The following USP34 variants were observed in gnomAD, a reference collection of about 807,000 sequenced individuals.
USP34 encodes the protein ubiquitin carboxyl-terminal hydrolase 34.
USP34 carries 70 observed loss-of-function variants against 460.3 expected under a neutral mutation model. That is an observed-to-expected ratio of 0.15 (90% CI 0.13 to 0.19). The LOEUF (loss-of-function observed/expected upper bound fraction) is 0.19. Ranked by LOEUF, USP34 falls within the 10% of genes least tolerant of loss-of-function variation. USP34 has a pLI of 1.00. For synonymous variants in USP34, 1,647 were observed against 1,405.3 expected, an observed-to-expected ratio of 1.17 and a Z score of -3.85; for missense variants, 3,985 against 4,236.2, an observed-to-expected ratio of 0.94 and a Z score of 1.65.
At chr2:61,234,501 G>A (rs1009489029) in intron 57 of USP34, among the ~76,000 whole-genome samples, 1 of 151,958 alleles carries the variant, frequency 6.6e-6, no homozygotes, top group Non-Finnish European at 1.5e-5. Flanking sequence ...ATTTTTTTTT[G>A]GCGGGGAGAG....
chr2:61,371,287 T>C (rs1383591199), intron 8 of USP34, among the ~76,000 whole-genome samples: 2 of 152,270 alleles, frequency 1.3e-5, no homozygotes, highest in East Asian at 1.9e-4. Flanking sequence ...TATAAAAGTA[T>C]AGCATGTACA....
At chr2:61,458,728 T>C (rs1695511074) in intron 1 of USP34, among the ~76,000 whole-genome samples, 1 of 150,880 alleles carries the variant, frequency 6.6e-6, no homozygotes, top group African/African-American at 2.4e-5. Flanking sequence ...ACTCCTCTCA[T>C]TCCCAGCAAC....
chr2:61,304,400 C>T (rs1344085702), intron 27 of USP34, among the ~76,000 whole-genome samples: 1 of 152,158 alleles, frequency 6.6e-6, no homozygotes, highest in East Asian at 1.9e-4. Context: ...GGCCAATATT[C>T]TATGTGTTAA....
At chr2:61,420,657 A>C in intron 2 of USP34, 89 bp downstream of exon 2, 1 of 868,288 alleles carries the variant, frequency 1.2e-6, no homozygotes, top group Non-Finnish European at 1.8e-6. Context: ...ATCTAACCCA[A>C]CACCCTAAAA....
chr2:61,314,025 T>C (rs1045003414), intron 25 of USP34, among the ~76,000 whole-genome samples: 4 of 152,118 alleles, frequency 2.6e-5, no homozygotes, highest in Non-Finnish European at 5.9e-5. Context: ...GATATATTCA[T>C]AAATATTAAT....
At chr2:61,393,869 C>A (rs1348004195) in intron 5 of USP34, among the ~76,000 whole-genome samples, 1 of 151,994 alleles carries the variant, frequency 6.6e-6, no homozygotes. Flanking sequence ...CGGGCACAGT[C>A]GCTCACGCCT....
intron 48 of USP34, among the ~76,000 whole-genome samples, chr2:61,252,675 ATT>A (rs1327020055): frequency 1.3e-5 from 2 of 152,238 alleles, no homozygotes; most frequent in African/African-American, 4.8e-5. Context: ...AAAATTCACT[ATT>A]TTAGATTATT....
At chr2:61,372,543 A>G (rs2103842160) in intron 8 of USP34, among the ~76,000 whole-genome samples, 1 of 152,302 alleles carries the variant, frequency 6.6e-6, no homozygotes, top group South Asian at 2.1e-4. Flanking sequence ...CAGGCTGGGC[A>G]ACGTAATGAA....
chr2:61,210,776 A>G (rs1436548989), intron 69 of USP34, among the ~76,000 whole-genome samples: 2 of 152,068 alleles, frequency 1.3e-5, no homozygotes, highest in Non-Finnish European at 2.9e-5. Flanking sequence ...CAATGGCACA[A>G]TCATGGCTCA....
Position 61,326,475 on chromosome 2 carries a change from G to C in USP34, c.2931-1018C>G, listed in dbSNP as rs181535231. Among the ~76,000 whole-genome samples the C allele has an allele frequency of 2.4e-3, 371 of 152,242 alleles. 3 individuals are homozygous for C. Among genetic ancestry groups the C allele is most frequent in the African/African-American group, 8.4e-3 (348 of 41,544 alleles). On this transcript the variant is annotated intron_variant, in intron 20 of 79. Transcript: ENST00000398571. ...ACTCCTGACCTCAAGTGATCTGCCT[G>C]CCTTGGCCTAGCAAAGTGCTGGGAT... is the stretch of plus-strand genomic sequence containing the variant.
At chr2:61,219,344 C>T (rs1687492515) in intron 67 of USP34, among the ~76,000 whole-genome samples, 1 of 152,160 alleles carries the variant, frequency 6.6e-6, no homozygotes, top group Admixed American at 6.5e-5. Flanking sequence ...TCCTAGGAGC[C>T]ATGAATTCTT....
intron 21 of USP34, among the ~76,000 whole-genome samples, chr2:61,323,270 G>C (rs1046413449): frequency 6.6e-6 from 1 of 152,180 alleles, no homozygotes; most frequent in Non-Finnish European, 1.5e-5. Context: ...CCACCACTTT[G>C]GGAGGCCGAG....
chr2:61,339,260 G>C, intron 18 of USP34, 91 bp downstream of exon 18: 5 of 1,284,700 alleles, frequency 3.9e-6, no homozygotes, highest in Non-Finnish European at 4.3e-6. Context: ...ATATGAAACA[G>C]TATAAAAACA....
At chr2:61,449,587 C>G (rs549277946) in intron 1 of USP34, among the ~76,000 whole-genome samples, 2 of 151,116 alleles carry the variant, frequency 1.3e-5, no homozygotes, top group Non-Finnish European at 1.5e-5. Context: ...CCACAGCAAT[C>G]AAGACAGTGT....
In USP34 at chr2:61,395,150, T is replaced by C. The variant is rs769710603; in HGVS notation, c.603+33A>G. The C allele has an allele frequency of 5.4e-6, 8 of 1,486,952 alleles. No homozygotes were observed. In the South Asian group the frequency reaches 1.0e-4, roughly 19 times the overall value. 92.1% of individuals were successfully genotyped at this position (1,486,952 alleles called of 1,614,324 possible). A position where few individuals can be genotyped will look rare whatever the true frequency, so the allele number is the denominator to read the frequency against. Reference sequence around the variant, plus strand: ...GAGGCTTTGTTAAAAAAATAAAATTTTCCATAAAAGAATAAAAAAGGTAAA... The same window carrying C: ...GAGGCTTTGTTAAAAAAATAAAATTCTCCATAAAAGAATAAAAAAGGTAAA... On this transcript the variant is annotated intron_variant, in intron 4 of 79. Transcript: ENST00000398571.
At position 61,348,486 on chromosome 2, in the gene USP34, T is replaced by G. The variant is rs1480123176; in HGVS notation, c.1675-6A>C. ...GAACTTCCCTGCATGGATTCCTGTA[T>G]TTTGAAACAAATAGATTTAAATAAA... On this transcript the variant is annotated splice_polypyrimidine_tract_variant and splice_region_variant and intron_variant, in intron 14 of 79. Coordinates refer to ENST00000398571, the MANE Select transcript of USP34 (RefSeq NM_014709.4). 1 of 1,603,538 alleles carries G rather than the reference T, an allele frequency of 6.2e-7. No individual in the cohort carries two copies. Among genetic ancestry groups the G allele is most frequent in the Admixed American group, 1.7e-5 (1 of 59,344 alleles).
chr2:61,251,573 G>C (rs938209450), intron 48 of USP34, among the ~76,000 whole-genome samples: 18 of 152,110 alleles, frequency 1.2e-4, no homozygotes, highest in Non-Finnish European at 2.1e-4. Context: ...TGATTATTAG[G>C]TAACCACCTT....
At chr2:61,453,620 G>C (rs558504566) in intron 1 of USP34, among the ~76,000 whole-genome samples, 18 of 143,416 alleles carry the variant, frequency 1.3e-4, no homozygotes, top group African/African-American at 3.9e-4. Flanking sequence ...TGAGGCAGGA[G>C]AATCACTTGA....
rs75593990 is a variant in USP34 at position 61,358,193 on chromosome 2, A to AAAATAAATAAATAAATAAATAAAT, written c.1252-7524_1252-7501dup. On this transcript the variant is annotated intron_variant, in intron 10 of 79. Coordinates refer to ENST00000398571, the MANE Select transcript of USP34 (RefSeq NM_014709.4). ...GGCAAGACAGAGCGAGATTCCATCT[A>AAAATAAATAAATAAATAAATAAAT]AAATAAATAAATAAATAAATAAATA... 1.2e-3 allele frequency among the ~76,000 whole-genome samples: 179 copies of AAAATAAATAAATAAATAAATAAAT among 148,656 alleles called. 3 individuals are homozygous for AAAATAAATAAATAAATAAATAAAT. In the East Asian group the frequency reaches 0.025, roughly 21 times the overall value.
Sources: gnomAD v4.1 joint callset for allele counts (sites outside exome capture counted in the v4.1 genomes callset) on GRCh38, gnomAD v4.1.1 for gene constraint, MANE v1.5 for transcripts, NCBI Gene and HGNC (gene_info 2026-07-23, HGNC 2026-07-21) for gene names.